DCAF7: variants seen among roughly 807,000 people sequenced by gnomAD.
DCAF7 encodes DDB1- and CUL4-associated factor 7.
DCAF7 carries 4 observed loss-of-function variants against 41.2 expected under a neutral mutation model. The ratio of observed to expected loss-of-function variants is 0.10; its 90% CI spans 0.05 to 0.22. The LOEUF (loss-of-function observed/expected upper bound fraction) is 0.22, where lower values mean the gene tolerates loss of function less well. Among genes scored for constraint, DCAF7 ranks in the 10% least tolerant of loss-of-function variants. The pLI, the probability that DCAF7 is intolerant of heterozygous loss-of-function variation, is 1.00. For synonymous variants in DCAF7, 143 were observed against 164.2 expected, an observed-to-expected ratio of 0.87 and a Z score of 0.99; for missense variants, 131 against 443.2, an observed-to-expected ratio of 0.30 and a Z score of 6.32.
At chr17:63,560,291 C>T (rs1014634152) in intron 1 of DCAF7, among the ~76,000 whole-genome samples, 6 of 152,062 alleles carry the variant, frequency 3.9e-5, no homozygotes, top group Non-Finnish European at 7.4e-5. Flanking sequence ...CTGGTAGTTC[C>T]GCTAGTGGTA....
rs1241846465 is a variant in DCAF7, at chr17:63,589,331, C to A, written c.*159C>A. The A allele has an allele frequency of 1.0e-6, 1 of 960,684 alleles. No homozygotes were observed. The highest frequency in any genetic ancestry group is 1.6e-6 in the Non-Finnish European group (1 of 621,970). 59.5% of individuals were successfully genotyped at this position (960,684 alleles called of 1,614,324 possible). ...TGCTCTAGGAGTTCCTGGCCAGTCA[C>A]CCCATCGCCCTCTGTGGCAGACTCA... On this transcript the variant is annotated 3_prime_UTR_variant, in exon 7 of 7. Transcript: ENST00000614556.
intron 1 of DCAF7, among the ~76,000 whole-genome samples, chr17:63,563,566 G>A (rs1036583565): frequency 6.6e-6 from 1 of 152,140 alleles, no homozygotes; most frequent in Non-Finnish European, 1.5e-5. Context: ...GTGGCTGGGC[G>A]TGGTGGCTCA....
At chr17:63,580,393 A>G (rs2033608493) in intron 4 of DCAF7, among the ~76,000 whole-genome samples, 2 of 151,736 alleles carry the variant, frequency 1.3e-5, no homozygotes, top group African/African-American at 2.4e-5. Flanking sequence ...TAGTATGTTC[A>G]CTTAATCTTT....
intron 1 of DCAF7, among the ~76,000 whole-genome samples, chr17:63,553,334 C>CTT (rs1210799409): frequency 6.6e-6 from 1 of 152,118 alleles, no homozygotes; most frequent in African/African-American, 2.4e-5. Flanking sequence ...AGCACCTGAC[C>CTT]CCATTTGTAA....
intron 1 of DCAF7, among the ~76,000 whole-genome samples, chr17:63,559,387 GTA>G (rs59755195): frequency 0.032 from 1,209 of 37,428 alleles, 39 homozygotes; most frequent in Middle Eastern, 0.11. Context: ...GTATATATAT[GTA>G]TATATATATG....
chr17:63,589,070 C>T lies in DCAF7; in HGVS notation c.927C>T (p.Ala309=), dbSNP rs905903339. Residue 309 remains alanine, a synonymous_variant, in exon 7 of 7, where the codon GCC becomes GCT. Transcript: ENST00000614556. The part of the protein sequence containing the change: ...MPRAIEDPIL[A]YTAEGEINNV... Reference sequence around the variant, plus strand: ...GAGCCATTGAGGACCCTATCCTGGCCTACACAGCTGAAGGAGAGATCAACA... The same window carrying T: ...GAGCCATTGAGGACCCTATCCTGGCTTACACAGCTGAAGGAGAGATCAACA... The T allele has an allele frequency of 1.2e-6, 2 of 1,613,978 alleles. No homozygotes were observed. The highest frequency in any genetic ancestry group is 1.7e-6 in the Non-Finnish European group (2 of 1,179,880).
intron 3 of DCAF7, 102 bp from the exon 4 acceptor site, chr17:63,579,723 T>C: frequency 2.0e-6 from 2 of 1,009,808 alleles, no homozygotes; most frequent in South Asian, 1.6e-5. Flanking sequence ...GTAGTCTTTA[T>C]GGTATGCTGC....
intron 1 of DCAF7, among the ~76,000 whole-genome samples, chr17:63,559,354 T>C (rs2033347313): frequency 7.6e-6 from 1 of 131,472 alleles, no homozygotes; most frequent in African/African-American, 3.2e-5. Context: ...TATACGTATA[T>C]ATATGTATGT....
At chr17:63,577,002 A>G (rs2033569836) in intron 1 of DCAF7, among the ~76,000 whole-genome samples, 1 of 152,258 alleles carries the variant, frequency 6.6e-6, no homozygotes, top group African/African-American at 2.4e-5. Context: ...ACACAAGAAC[A>G]TGGATGAATC....
chr17:63,573,327 G>A (rs1448043808), intron 1 of DCAF7: 1 of 152,162 alleles, frequency 6.6e-6, no homozygotes, highest in East Asian at 1.9e-4. Flanking sequence ...TTGAGTGTGT[G>A]TGCTGCTGAA....
rs1166478997 is a variant in DCAF7, at chr17:63,594,261, C to A, written c.*5089C>A. The A allele has an allele frequency of 3.3e-5, 5 of 152,638 alleles. No homozygotes were observed. Among genetic ancestry groups the A allele is most frequent in the Non-Finnish European group, 7.3e-5 (5 of 68,034 alleles). 9.5% of individuals were successfully genotyped at this position (152,638 alleles called of 1,614,324 possible). A position where few individuals can be genotyped will look rare whatever the true frequency, so the allele number is the denominator to read the frequency against. The stretch of plus-strand genomic sequence containing the variant: ...ATCATACTTTGTAATAAAACTTGAA[C>A]ATGTATAGATTGACTGAATTTCTTT... On this transcript the variant is annotated 3_prime_UTR_variant, in exon 7 of 7. Transcript: ENST00000614556.
intron 1 of DCAF7, among the ~76,000 whole-genome samples, chr17:63,560,320 C>T (rs746189374): frequency 5.3e-5 from 8 of 152,000 alleles, no homozygotes; most frequent in Non-Finnish European, 1.0e-4. Flanking sequence ...TACAGCTATA[C>T]TCATGTGGTT....
chr17:63,559,395 A>ATG (rs1568097797), intron 1 of DCAF7, among the ~76,000 whole-genome samples: 1 of 96,900 alleles, frequency 1.0e-5, no homozygotes, highest in African/African-American at 6.9e-5. Context: ...ATGTATATAT[A>ATG]TATGTATATA....
At chr17:63,586,855 A>G (rs2033682489) in intron 6 of DCAF7, among the ~76,000 whole-genome samples, 1 of 152,194 alleles carries the variant, frequency 6.6e-6, no homozygotes, top group South Asian at 2.1e-4. Context: ...GTACAGAAGC[A>G]TATTTAAGAG....
intron 2 of DCAF7, among the ~76,000 whole-genome samples, chr17:63,579,021 C>T (rs754900358): frequency 1.3e-5 from 2 of 152,166 alleles, no homozygotes; most frequent in Non-Finnish European, 2.9e-5. Context: ...CTCAGCTGAG[C>T]TCATCAGCAG....
chr17:63,559,138 C>T (rs1026669789), intron 1 of DCAF7, among the ~76,000 whole-genome samples: 2 of 150,818 alleles, frequency 1.3e-5, no homozygotes, highest in East Asian at 2.0e-4. Flanking sequence ...AGTGAAAGCC[C>T]GTCTCTACTA....
rs766903512 is a variant in DCAF7, at chr17:63,588,360, A to AT, written c.857-624dup. Among the ~76,000 whole-genome samples the AT allele has an allele frequency of 5.8e-3, 695 of 120,200 alleles. 1 individual carries two copies. Among genetic ancestry groups the AT allele is most frequent in the Non-Finnish European group, 8.2e-3 (453 of 55,500 alleles). 78.9% of individuals were successfully genotyped at this position (120,200 alleles called of 152,430 possible). ...GTGCCACCACACCTGGCTAATTTGT[A>AT]TTTTTTTTTTTTTTTTAGTAGAGAT... On this transcript the variant is annotated intron_variant, in intron 6 of 6. Transcript: ENST00000614556.
intron 1 of DCAF7, among the ~76,000 whole-genome samples, chr17:63,566,435 C>G (rs1004624711): frequency 8.0e-5 from 12 of 150,750 alleles, no homozygotes; most frequent in Admixed American, 2.6e-4. Context: ...CACACACATA[C>G]AAAAATAAAT....
At chr17:63,576,212 C>T (rs1216597862) in intron 1 of DCAF7, among the ~76,000 whole-genome samples, 2 of 152,076 alleles carry the variant, frequency 1.3e-5, no homozygotes, top group African/African-American at 2.4e-5. Context: ...GAGGCCGAGG[C>T]GTGTGGATCA....
Sources: allele counts gnomAD v4.1 joint callset (sites outside exome capture counted in the v4.1 genomes callset), GRCh38; gene constraint gnomAD v4.1.1; transcripts MANE v1.5; gene names NCBI Gene and HGNC (gene_info 2026-07-23, HGNC 2026-07-21).